The following PPARGC1A variants were observed in gnomAD, a reference collection of about 807,000 sequenced individuals.
PPARGC1A encodes the protein peroxisome proliferator-activated receptor gamma coactivator 1-alpha.
Under a neutral mutation model 88.7 loss-of-function variants are expected in PPARGC1A, and 25 were observed. The ratio of observed to expected loss-of-function variants is 0.28; its 90% CI spans 0.21 to 0.39. The LOEUF (loss-of-function observed/expected upper bound fraction) is 0.39, where lower values mean the gene tolerates loss of function less well. PPARGC1A is among the 10% of genes least tolerant of loss of function. The pLI, the probability that PPARGC1A is intolerant of heterozygous loss-of-function variation, is 1.00. For synonymous variants in PPARGC1A, 363 were observed against 355.6 expected, an observed-to-expected ratio of 1.02 and a Z score of -0.24; for missense variants, 880 against 968.7, an observed-to-expected ratio of 0.91 and a Z score of 1.22.
chr4:23,878,992 T>C (rs1020099292), intron 2 of PPARGC1A, among the ~76,000 whole-genome samples: 1 of 152,228 alleles, frequency 6.6e-6, no homozygotes, highest in Non-Finnish European at 1.5e-5. Flanking sequence ...TCTCTGTAAG[T>C]GTCATTACCA....
At chr4:24,147,529 C>T in the PPARGC1A span, among the ~76,000 whole-genome samples, 1 of 152,256 alleles carries the variant, frequency 6.6e-6, no homozygotes, top group South Asian at 2.1e-4. Flanking sequence ...CTCTATCACC[C>T]TGGACAGGTC....
the PPARGC1A span, among the ~76,000 whole-genome samples, chr4:24,401,219 C>T: frequency 6.6e-6 from 1 of 151,806 alleles, no homozygotes; most frequent in East Asian, 1.9e-4. Context: ...AGGGTTTCAC[C>T]GTGTTAGCCA....
chr4:23,904,308 G>T (rs1719776974), upstream of PPARGC1A, among the ~76,000 whole-genome samples: 1 of 152,190 alleles, frequency 6.6e-6, no homozygotes, highest in South Asian at 2.1e-4. Flanking sequence ...GAGACAGGTG[G>T]TTCCCTTTCC....
chr4:24,380,180 T>C, the PPARGC1A span, among the ~76,000 whole-genome samples: 1 of 152,128 alleles, frequency 6.6e-6, no homozygotes, highest in Admixed American at 6.5e-5. Flanking sequence ...CCCTTTAAGA[T>C]CTCTTTGAGA....
the PPARGC1A span, among the ~76,000 whole-genome samples, chr4:23,964,454 C>G: frequency 2.0e-5 from 3 of 152,098 alleles, no homozygotes; most frequent in South Asian, 2.1e-4. Context: ...TAGGGTTTTT[C>G]CTGATAATCC....
chr4:24,359,673 TTA>T, the PPARGC1A span, among the ~76,000 whole-genome samples: 2 of 152,186 alleles, frequency 1.3e-5, no homozygotes, highest in African/African-American at 2.4e-5. Flanking sequence ...ACTGGTGTCC[TTA>T]TCAGAAGAGG....
the PPARGC1A span, among the ~76,000 whole-genome samples, chr4:24,308,048 T>C: frequency 6.6e-6 from 1 of 151,974 alleles, no homozygotes; most frequent in Non-Finnish European, 1.5e-5. Context: ...CCCCAGAACT[T>C]TGAGAGGCCA....
At chr4:24,087,218 A>G in the PPARGC1A span, among the ~76,000 whole-genome samples, 1 of 152,304 alleles carries the variant, frequency 6.6e-6, no homozygotes, top group African/African-American at 2.4e-5. Context: ...ACTTGGGCCA[A>G]TCTCTTATTC....
chr4:24,419,642 A>G, the PPARGC1A span, among the ~76,000 whole-genome samples: 1 of 151,732 alleles, frequency 6.6e-6, no homozygotes, highest in African/African-American at 2.4e-5. Context: ...CTAGGGGCGC[A>G]CTCATTCTCA....
At chr4:24,044,903 G>A in the PPARGC1A span, among the ~76,000 whole-genome samples, 1 of 152,182 alleles carries the variant, frequency 6.6e-6, no homozygotes, top group Non-Finnish European at 1.5e-5. Context: ...ATTTGCACTT[G>A]TCTTGCACTT....
the PPARGC1A span, among the ~76,000 whole-genome samples, chr4:24,174,014 T>C: frequency 6.6e-6 from 1 of 152,138 alleles, no homozygotes; most frequent in African/African-American, 2.4e-5. Context: ...GAATTTAGAT[T>C]TGCAGCAACA....
the PPARGC1A span, among the ~76,000 whole-genome samples, chr4:24,449,565 T>C: frequency 1.3e-5 from 2 of 152,216 alleles, no homozygotes; most frequent in Non-Finnish European, 2.9e-5. Context: ...GCCTGGCACA[T>C]GATAGAGCCT....
chr4:24,377,229 C>T, the PPARGC1A span, among the ~76,000 whole-genome samples: 1 of 152,160 alleles, frequency 6.6e-6, no homozygotes, highest in East Asian at 1.9e-4. Context: ...TTAATTTTAT[C>T]ACACTTTGAG....
the PPARGC1A span, among the ~76,000 whole-genome samples, chr4:24,385,971 A>C: frequency 6.6e-6 from 1 of 152,212 alleles, no homozygotes; most frequent in Admixed American, 6.5e-5. Context: ...ACCCCTGATG[A>C]ACATCAGTGC....
In PPARGC1A at chr4:23,812,731, G is replaced by A. The variant is rs1721153218; in HGVS notation, c.2019+16C>T. 1 of 1,613,698 alleles carries A rather than the reference G, an allele frequency of 6.2e-7. No homozygotes were observed. Among genetic ancestry groups the A allele is most frequent in the Non-Finnish European group, 8.5e-7 (1 of 1,179,878 alleles). ...AAACCCTACTTTAAAATAAAAGTGAGCTCCAGGCCACTTACAATTGCCTTC... is the reference window on the plus strand; with the variant it reads ...AAACCCTACTTTAAAATAAAAGTGAACTCCAGGCCACTTACAATTGCCTTC... On this transcript the variant is annotated intron_variant, in intron 10 of 12. Coordinates refer to ENST00000264867, the MANE Select transcript of PPARGC1A (RefSeq NM_013261.5).
At chr4:24,011,615 G>A in the PPARGC1A span, among the ~76,000 whole-genome samples, 10 of 152,168 alleles carry the variant, frequency 6.6e-5, no homozygotes, top group South Asian at 1.2e-3. Flanking sequence ...CCTTCTCACC[G>A]AACTTTCCTG....
chr4:23,859,586 C>G (rs949757579), intron 2 of PPARGC1A, among the ~76,000 whole-genome samples: 10 of 151,920 alleles, frequency 6.6e-5, no homozygotes, highest in Non-Finnish European at 1.5e-4. Flanking sequence ...TCGAGACCAT[C>G]CTGGCTAACA....
chr4:24,099,842 A>G, the PPARGC1A span, among the ~76,000 whole-genome samples: 1 of 151,608 alleles, frequency 6.6e-6, no homozygotes, highest in East Asian at 2.0e-4. Context: ...TAAGAAGGCA[A>G]TTTGGAAGGT....
At chr4:24,095,922 C>T in the PPARGC1A span, among the ~76,000 whole-genome samples, 2 of 152,142 alleles carry the variant, frequency 1.3e-5, no homozygotes, top group Non-Finnish European at 2.9e-5. Context: ...TCTTAAAGGC[C>T]TCACCTCTTA....
Sources: gnomAD v4.1 joint callset for allele counts (sites outside exome capture counted in the v4.1 genomes callset) on GRCh38, gnomAD v4.1.1 for gene constraint, MANE v1.5 for transcripts, NCBI Gene and HGNC (gene_info 2026-07-23, HGNC 2026-07-21) for gene names.